FAM111A: variants seen among roughly 807,000 people sequenced by gnomAD.
FAM111A encodes serine protease FAM111A.
In FAM111A, 8 loss-of-function variants were observed where a neutral mutation model predicts 3.3. The ratio of observed to expected loss-of-function variants is 2.39; its 90% CI spans 1.40 to 4.32. The LOEUF (loss-of-function observed/expected upper bound fraction) is 4.32. FAM111A is among the 30% of genes most tolerant of loss of function. The probability of loss-of-function intolerance (pLI) is 0.00; values close to 1 mark genes in which losing one functional copy is unlikely to be tolerated. For missense variants in FAM111A, 683 were observed against 727.6 expected (o/e 0.94, Z 0.71); for synonymous variants, 227 against 243.1 (o/e 0.93, Z 0.62).
At chr11:59,146,423 C>T (rs1590926125) in intron 4 of FAM111A, among the ~76,000 whole-genome samples, 1 of 152,298 alleles carries the variant, frequency 6.6e-6, no homozygotes, top group African/African-American at 2.4e-5. Context: ...GGTTGATTCC[C>T]ACCTTAAGGT....
At chr11:59,144,642 T>C (rs1204101132) in intron 3 of FAM111A, 3 of 152,256 alleles carry the variant, frequency 2.0e-5, no homozygotes, top group East Asian at 1.9e-4. Flanking sequence ...CTGTCTGATA[T>C]AAACACAGCG....
intron 5 of FAM111A, among the ~76,000 whole-genome samples, chr11:59,149,359 GT>G (rs1415811219): frequency 6.6e-6 from 1 of 152,058 alleles, no homozygotes; most frequent in Non-Finnish European, 1.5e-5. Context: ...TTGGCATTGG[GT>G]TTTATAGTTC....
chr11:59,149,814 T>A (rs1861424276), intron 5 of FAM111A, among the ~76,000 whole-genome samples: 1 of 152,228 alleles, frequency 6.6e-6, no homozygotes, highest in Non-Finnish European at 1.5e-5. Flanking sequence ...AAGGCAGGAA[T>A]GAAGTGAAGA....
At position 59,153,153 on chromosome 11, in the gene FAM111A, G is replaced by A. The variant is rs1565207265; in HGVS notation, c.1485G>A (p.Lys495=). 3.1e-6 allele frequency: 5 copies of A among 1,614,212 alleles called. No individual in the cohort carries two copies. In the East Asian group the frequency reaches 1.1e-4, roughly 36 times the overall value. Residue 495 remains lysine (K), a synonymous_variant, in exon 6 of 6, where the codon AAG becomes AAA. Transcript: ENST00000675163. ...CAVIPQGQRA[K]KCQERVQSKK... is the part of the protein sequence containing the mutation. Reference sequence around the variant, plus strand: ...TGATCCCTCAGGGTCAGCGAGCAAAGAAATGTCAGGAACGTGTTCAGTCTA... The same window carrying A: ...TGATCCCTCAGGGTCAGCGAGCAAAAAAATGTCAGGAACGTGTTCAGTCTA...
In FAM111A at chr11:59,152,895, G is replaced by A. The variant is rs760547844; in HGVS notation, c.1227G>A (p.Arg409=). 1.3e-5 allele frequency: 21 copies of A among 1,613,970 alleles called. No homozygotes were observed. The highest frequency in any genetic ancestry group is 1.8e-5 in the Non-Finnish European group (21 of 1,180,042). Reference sequence around the variant, plus strand: ...CAACCATAATTGGTCAATGTGTAAGGGTGACATTTGGTTATGAAGAGCTAA... The same window carrying A: ...CAACCATAATTGGTCAATGTGTAAGAGTGACATTTGGTTATGAAGAGCTAA... The part of the protein sequence containing the change: ...KWATIIGQCV[R]VTFGYEELKD... The change falls in exon 6 of 6, where the codon AGG becomes AGA. Residue 409 remains arginine (R), a synonymous_variant. Coordinates refer to ENST00000675163, the MANE Select transcript of FAM111A (RefSeq NM_001312909.2).
At chr11:59,145,967 CTCTCTA>C (rs1178379784) in intron 4 of FAM111A, 111 bp downstream of exon 4, 1 of 146,754 alleles carries the variant, frequency 6.8e-6, no homozygotes, top group African/African-American at 2.5e-5. Context: ...CTCTCTCTCT[CTCTCTA>C]TATATATATA....
chr11:59,146,193 T>C (rs1860874589), intron 4 of FAM111A, among the ~76,000 whole-genome samples: 1 of 152,070 alleles, frequency 6.6e-6, no homozygotes, highest in African/African-American at 2.4e-5. Flanking sequence ...CAAGCCACTC[T>C]CCTGCCTCAG....
At position 59,152,718 on chromosome 11, in the gene FAM111A, T is replaced by C; in HGVS notation, c.1050T>C (p.Leu350=). 1 of 1,614,250 alleles carries C rather than the reference T, an allele frequency of 6.2e-7. No individual in the cohort carries two copies. Among genetic ancestry groups the C allele is most frequent in the South Asian group, 1.1e-5 (1 of 91,088 alleles). Residue 350 remains leucine, a synonymous_variant, in exon 6 of 6, where the codon CTT becomes CTC. Transcript: ENST00000675163. ...NSSSIKVVKL[L]VRLSDSVGYL... ...CTTCGATTAAAGTAGTGAAACTTCTTGTACGTCTCAGTGACTCAGTTGGGT... is the reference window on the plus strand; with the variant it reads ...CTTCGATTAAAGTAGTGAAACTTCTCGTACGTCTCAGTGACTCAGTTGGGT...
chr11:59,149,997 T>G (rs1490781725), intron 5 of FAM111A, among the ~76,000 whole-genome samples: 1 of 152,196 alleles, frequency 6.6e-6, no homozygotes, highest in Non-Finnish European at 1.5e-5. Context: ...TCTCAACTTG[T>G]TTTGTTTTGT....
In FAM111A at chr11:59,152,322, A is replaced by G. The variant is rs1237284945; in HGVS notation, c.654A>G (p.Gly218=). The change falls in exon 6 of 6, where the codon GGA becomes GGG. Residue 218 remains glycine (G), a synonymous_variant. Coordinates refer to ENST00000675163, the MANE Select transcript of FAM111A (RefSeq NM_001312909.2). The part of the protein sequence containing the change: ...GRKLCVYAFK[G]ETIKDALCKD... ...AACTCTGTGTTTATGCTTTCAAAGG[A>G]GAAACCATCAAGGATGCACTGTGCA... 3 of 1,614,198 alleles carry G rather than the reference A, an allele frequency of 1.9e-6. No homozygotes were observed. The African/African-American group carries it at 4.0e-5, about 22-fold the overall frequency.
chr11:59,152,422 AG>A lies in FAM111A; in HGVS notation c.755del (p.Ser252ThrfsTer8). ...LIENNDTILE[S>X]TQPVDELEGR... ...TGAAAACAATGACACCATTTTAGAAAGCACCCAGCCAGTTGATGAATTAGAA... is the reference window on the plus strand; with the variant it reads ...TGAAAACAATGACACCATTTTAGAAACACCCAGCCAGTTGATGAATTAGAA... On this transcript the variant is annotated frameshift_variant, in exon 6 of 6. Transcript: ENST00000675163. LOFTEE classifies it low-confidence loss of function (END_TRUNC). 6.2e-7 allele frequency: 1 copy of A among 1,614,164 alleles called. No homozygotes were observed. Among genetic ancestry groups the A allele is most frequent in the Non-Finnish European group, 8.5e-7 (1 of 1,180,012 alleles).
chr11:59,151,907 T>C lies in FAM111A; in HGVS notation c.239T>C (p.Val80Ala). 1.9e-6 allele frequency: 3 copies of C among 1,614,142 alleles called. No homozygotes were observed. The highest frequency in any genetic ancestry group is 2.5e-6 in the Non-Finnish European group (3 of 1,180,030). The change falls in exon 6 of 6, where the codon GTT becomes GCT. Residue 80 changes from valine (V) to alanine (A), a missense_variant. Val to Ala is a moderately conservative substitution (Grantham distance 64). This residue lies in a region of FAM111A where 557 missense variants were observed against 600.2 expected (regional missense o/e 0.93). Coordinates refer to ENST00000675163, the MANE Select transcript of FAM111A (RefSeq NM_001312909.2). ...ATGCCCCAAAATAGGACAATATATG[T>C]TACCTTGAAGGTAAACCACAGGAGA... ...QTMPQNRTIY[V>A]TLKVNHRRNQ...
At chr11:59,151,540 A>G (rs1420340745) in intron 5 of FAM111A, among the ~76,000 whole-genome samples, 1 of 152,228 alleles carries the variant, frequency 6.6e-6, no homozygotes, top group Non-Finnish European at 1.5e-5. Flanking sequence ...GCACTAGTGT[A>G]GTGGTACCAA....
chr11:59,154,714 A>G lies in FAM111A; in HGVS notation c.*1210A>G, dbSNP rs1862106308. 1 of 152,438 alleles carries G rather than the reference A, an allele frequency of 6.6e-6. No individual in the cohort carries two copies. The allele number at this position is 152,438 out of a possible 1,614,324, so 9.4% of individuals were successfully genotyped here. A position where few individuals can be genotyped will look rare whatever the true frequency, so the allele number is the denominator to read the frequency against. ...GTTTCGAGGGGTCGAGTGTAGGAAA[A>G]CAGCCTGTTGCATTGTAAGAGTGAT... On this transcript the variant is annotated 3_prime_UTR_variant, in exon 6 of 6. Transcript: ENST00000675163.
In FAM111A at chr11:59,152,843, G is replaced by C. The variant is rs923212345; in HGVS notation, c.1175G>C (p.Gly392Ala). ...CGGCATGTAATAGATAGCATTGTGG[G>C]AGACGGAATAGAGCCAAGTAAGTGG... ...TCRHVIDSIVGDGIEPSKWAT... is the reference protein window; with the variant it reads ...TCRHVIDSIVADGIEPSKWAT... The change falls in exon 6 of 6, where the codon GGA becomes GCA. Residue 392 changes from glycine (G) to alanine (A), a missense_variant. By Grantham distance (60) the Gly-to-Ala change is moderately conservative. Around this residue, in one of 3 missense-constraint regions of FAM111A, gnomAD observed 557 missense variants for 600.2 expected, o/e 0.93. Transcript: ENST00000675163. The C allele has an allele frequency of 6.2e-6, 10 of 1,614,144 alleles. No homozygotes were observed. The highest frequency in any genetic ancestry group is 8.5e-6 in the Non-Finnish European group (10 of 1,180,032).
At position 59,154,367 on chromosome 11, in the gene FAM111A, CA is replaced by C. The variant is rs2135494910; in HGVS notation, c.*864del. 6.6e-6 allele frequency: 1 copy of C among 152,150 alleles called. No individual in the cohort carries two copies. Among genetic ancestry groups the C allele is most frequent in the East Asian group, 1.9e-4 (1 of 5,196 alleles). 9.4% of individuals were successfully genotyped at this position (152,150 alleles called of 1,614,324 possible). A position where few individuals can be genotyped will look rare whatever the true frequency, so the allele number is the denominator to read the frequency against. The stretch of plus-strand genomic sequence containing the variant: ...GTCGGAATATATGGGTCTTGAAATT[CA>C]GAAGATGATAGTCACTCTTCCCATA... On this transcript the variant is annotated 3_prime_UTR_variant, in exon 6 of 6. Transcript: ENST00000675163.
chr11:59,147,421 G>A (rs1191228079), intron 4 of FAM111A, among the ~76,000 whole-genome samples: 1 of 152,066 alleles, frequency 6.6e-6, no homozygotes, highest in Non-Finnish European at 1.5e-5. Flanking sequence ...TTTAGCTTAT[G>A]TTCTAGCCCC....
chr11:59,148,684 T>A (rs1296414909), intron 4 of FAM111A, 113 bp from the exon 5 acceptor site: 1 of 543,082 alleles, frequency 1.8e-6, no homozygotes, highest in African/African-American at 1.9e-5. Context: ...AGTTGGTGAA[T>A]AAACTATCTA....
intron 3 of FAM111A, chr11:59,144,942 ACGGGCGCGGCCGCGGCGGGCTCGAGTCC>A (rs1195557295): frequency 6.6e-6 from 1 of 152,628 alleles, no homozygotes; most frequent in African/African-American, 2.4e-5. Context: ...GGGCGCGGTC[ACGGGCGCGGCCGCGGCGGGCTCGAGTCC>A]CGGCTGGGAG....
Sources: allele counts gnomAD v4.1 joint callset (sites outside exome capture counted in the v4.1 genomes callset), GRCh38; gene constraint gnomAD v4.1.1; regional missense constraint gnomAD v4.1.1; transcripts MANE v1.5; gene names NCBI Gene and HGNC (gene_info 2026-07-23, HGNC 2026-07-21).